Variants in MAGEB6 observed in about 807,000 individuals in gnomAD.
MAGEB6 encodes the protein melanoma-associated antigen B6.
For missense variants in MAGEB6, 327 were observed against 329.7 expected (o/e 0.99, Z 0.06); for synonymous variants, 128 against 136.2 (o/e 0.94, Z 0.42).
chrX:26,193,659 A>C (rs1929142052), intron 1 of MAGEB6, 127 bp from the exon 2 acceptor site: 1 of 381,750 alleles, frequency 2.6e-6, no homozygotes, highest in Admixed American at 4.9e-5. Flanking sequence ...ACTGACCAGG[A>C]GAAAAGGAGT....
At position 26,194,485 on chromosome X, in the gene MAGEB6, A is replaced by G. The variant is rs776089599; in HGVS notation, c.639A>G (p.Lys213=). 5.8e-6 allele frequency: 7 copies of G among 1,210,654 alleles called. No homozygotes were observed. The East Asian group carries it at 2.1e-4, about 36-fold the overall frequency. ...TCCTGCAGAAGAAGTTTGAGAAGAA[A>G]GAGTCCATTTTGAAGGCAGACATGC... ...AQFLQKKFEK[K]ESILKADMLK... Residue 213 remains lysine, a synonymous_variant, in exon 2 of 2, where the codon AAA becomes AAG. Transcript: ENST00000379034.
In MAGEB6 at chrX:26,195,369, A is replaced by C. The variant is rs1270279669; in HGVS notation, c.*299A>C. On this transcript the variant is annotated 3_prime_UTR_variant, in exon 2 of 2. Transcript: ENST00000379034. ...CAATTATCAATAACATAGCTCTCAC[A>C]TTCATGGCTGTTTAACCAATCTGAA... The C allele has an allele frequency of 2.4e-5, 6 of 251,454 alleles. No homozygotes were observed. Among genetic ancestry groups the C allele is most frequent in the Non-Finnish European group, 3.7e-5 (5 of 134,590 alleles). The allele number at this position is 251,454 out of a possible 1,213,427, so 20.7% of individuals were successfully genotyped here.
Position 26,194,025 on chromosome X carries a change from T to C in MAGEB6, c.179T>C (p.Ile60Thr). 1 of 1,211,504 alleles carries C rather than the reference T, an allele frequency of 8.3e-7. No homozygotes were observed. Among genetic ancestry groups the C allele is most frequent in the Non-Finnish European group, 1.1e-6 (1 of 895,282 alleles). Residue 60 changes from isoleucine (I) to threonine (T), a missense_variant, in exon 2 of 2, where the codon ATT becomes ACT. Ile to Thr is a moderately conservative substitution (Grantham distance 89). Coordinates refer to ENST00000379034, the MANE Select transcript of MAGEB6 (RefSeq NM_173523.2). ...TGTCGTAGGTCTTCTGATGCCTCCA[T>C]TCCTCAGGAGTCTCAGGGAGTGTCA... ...GDCRRSSDAS[I>T]PQESQGVSPT...
rs771341202 is a variant in MAGEB6 at position 26,193,968 on chromosome X, C to A, written c.122C>A (p.Ser41Tyr). The change falls in exon 2 of 2, where the codon TCC (serine) becomes TAC (tyrosine). Residue 41 changes from serine (S) to tyrosine (Y), a missense_variant. Coordinates refer to ENST00000379034, the MANE Select transcript of MAGEB6 (RefSeq NM_173523.2). Reference sequence around the variant, plus strand: ...GAGAAGCAGGAAGAGTCCCACTCTTCCTCATCCTCTTCTCGCGCTTGTCTG... The same window carrying A: ...GAGAAGCAGGAAGAGTCCCACTCTTACTCATCCTCTTCTCGCGCTTGTCTG... ...TAEKQEESHS[S>Y]SSSSRACLGD... 8.3e-7 allele frequency: 1 copy of A among 1,211,655 alleles called. No individual in the cohort carries two copies. The highest frequency in any genetic ancestry group is 1.1e-6 in the Non-Finnish European group (1 of 895,338).
chrX:26,195,165 A>G lies in MAGEB6; in HGVS notation c.*95A>G, dbSNP rs113973061. 1,964 of 1,042,262 alleles carry G rather than the reference A, an allele frequency of 1.9e-3. 27 individuals are homozygous for G. In the African/African-American group the frequency reaches 0.032, roughly 17 times the overall value. The allele number at this position is 1,042,262 out of a possible 1,213,427, so 85.9% of individuals were successfully genotyped here. ...TAGGGAGGTCTGAAGTAGAATTTTC[A>G]CTTTATGTTAGAAGAGAGTAGTGAG... On this transcript the variant is annotated 3_prime_UTR_variant, in exon 2 of 2. Transcript: ENST00000379034.
chrX:26,193,973 T>C lies in MAGEB6; in HGVS notation c.127T>C (p.Ser43Pro). Residue 43 changes from serine (S) to proline (P), a missense_variant, in exon 2 of 2, where the codon TCC (serine) becomes CCC (proline). By Grantham distance (74) the Ser-to-Pro change is moderately conservative. Transcript: ENST00000379034. The part of the protein sequence containing the change: ...EKQEESHSSS[S>P]SSRACLGDCR... ...GCAGGAAGAGTCCCACTCTTCCTCA[T>C]CCTCTTCTCGCGCTTGTCTGGGTGA... 8.3e-7 allele frequency: 1 copy of C among 1,211,662 alleles called. No homozygotes were observed. The highest frequency in any genetic ancestry group is 1.1e-6 in the Non-Finnish European group (1 of 895,386).
Position 26,194,090 on chromosome X carries a change from T to A in MAGEB6, c.244T>A (p.Ser82Thr), listed in dbSNP as rs746661233. Residue 82 changes from serine to threonine, a missense_variant, in exon 2 of 2, where the codon TCC becomes ACC. Ser to Thr is a moderately conservative substitution (Grantham distance 58, BLOSUM62 1). Transcript: ENST00000379034. ...TGATGCAGTTGTTTCATATTCAAAATCCGATGTGGCTGCCAACGGCCAAGA... is the reference window on the plus strand; with the variant it reads ...TGATGCAGTTGTTTCATATTCAAAAACCGATGTGGCTGCCAACGGCCAAGA... ...SPDAVVSYSK[S>T]DVAANGQDEK... is the part of the protein sequence containing the mutation. 8.3e-7 allele frequency: 1 copy of A among 1,209,621 alleles called. No homozygotes were observed. Among genetic ancestry groups the A allele is most frequent in the Non-Finnish European group, 1.1e-6 (1 of 895,189 alleles).
chrX:26,192,964 G>A (rs929022910), intron 1 of MAGEB6, among the ~76,000 whole-genome samples: 7 of 111,014 alleles, frequency 6.3e-5, no homozygotes, highest in African/African-American at 9.9e-5. Flanking sequence ...GTCAGTGAGG[G>A]TGATTTCCAG....
In MAGEB6 at chrX:26,195,001, T is replaced by G; in HGVS notation, c.1155T>G (p.Gly385=). ...CCGACAGCAGTAACACCAGTCCCGG[T>G]TTATACCCACATCTGTATGAAGACG... The part of the protein sequence containing the change: ...VLADSSNTSP[G]LYPHLYEDAL... The change falls in exon 2 of 2, where the codon GGT becomes GGG. Residue 385 remains glycine, a synonymous_variant. Coordinates refer to ENST00000379034, the MANE Select transcript of MAGEB6 (RefSeq NM_173523.2). The G allele has an allele frequency of 8.3e-7, 1 of 1,210,985 alleles. No homozygotes were observed. Among genetic ancestry groups the G allele is most frequent in the Non-Finnish European group, 1.1e-6 (1 of 895,333 alleles).
chrX:26,195,334 T>C lies in MAGEB6; in HGVS notation c.*264T>C, dbSNP rs1929182009. On this transcript the variant is annotated 3_prime_UTR_variant, in exon 2 of 2. Transcript: ENST00000379034. ...CTGTTAAGTGAAGGTTTATTTTGCT[T>C]CAGATTATACAATTATCAATAACAT... is the stretch of plus-strand genomic sequence containing the variant. The C allele has an allele frequency of 3.1e-6, 1 of 327,014 alleles. No homozygotes were observed. The highest frequency in any genetic ancestry group is 2.6e-5 in the African/African-American group (1 of 38,607). 26.9% of individuals were successfully genotyped at this position (327,014 alleles called of 1,213,427 possible).
rs774839904 is a variant in MAGEB6, at chrX:26,193,969, C to T, written c.123C>T (p.Ser41=). 26 of 1,209,768 alleles carry T rather than the reference C, an allele frequency of 2.1e-5. No homozygotes were observed. Among genetic ancestry groups the T allele is most frequent in the Non-Finnish European group, 2.8e-5 (25 of 895,081 alleles). Residue 41 remains serine, a synonymous_variant, in exon 2 of 2, where the codon TCC becomes TCT. Transcript: ENST00000379034. ...AGAAGCAGGAAGAGTCCCACTCTTC[C>T]TCATCCTCTTCTCGCGCTTGTCTGG... ...TAEKQEESHS[S]SSSSRACLGD... is the part of the protein sequence containing the mutation.
Position 26,195,450 on chromosome X carries a change from T to C in MAGEB6, c.*380T>C, listed in dbSNP as rs1230878104. The C allele has an allele frequency of 3.3e-5, 5 of 152,645 alleles. No homozygotes were observed. Among genetic ancestry groups the C allele is most frequent in the Non-Finnish European group, 5.6e-5 (4 of 71,959 alleles). The allele number at this position is 152,645 out of a possible 1,213,427, so 12.6% of individuals were successfully genotyped here. The stretch of plus-strand genomic sequence containing the variant: ...TCATACAACACATTTTCTTTGTAAT[T>C]GAGAACTAGATAACATGGTAACAGA... On this transcript the variant is annotated 3_prime_UTR_variant, in exon 2 of 2. Transcript: ENST00000379034.
Position 26,194,751 on chromosome X carries a change from C to T in MAGEB6, c.905C>T (p.Ala302Val). ...LVVIFMNGNC[A>V]TEEEVWEFLG... ...GTGATCTTCATGAACGGCAACTGTG[C>T]CACTGAAGAGGAGGTCTGGGAGTTC... Residue 302 changes from alanine (A) to valine (V), a missense_variant, in exon 2 of 2, where the codon GCC becomes GTC. Transcript: ENST00000379034. 1 of 1,211,607 alleles carries T rather than the reference C, an allele frequency of 8.3e-7. No individual in the cohort carries two copies. Among genetic ancestry groups the T allele is most frequent in the Non-Finnish European group, 1.1e-6 (1 of 895,497 alleles).
chrX:26,194,594 G>C lies in MAGEB6; in HGVS notation c.748G>C (p.Val250Leu). The change falls in exon 2 of 2, where the codon GTT (valine) becomes CTT (leucine). Residue 250 changes from valine (V) to leucine (L), a missense_variant. Transcript: ENST00000379034. Reference sequence around the variant, plus strand: ...CCAACATTTGGTGGTGGCCTTTGGCGTTGAATTGAAAGAAATGGATTCCAG... The same window carrying C: ...CCAACATTTGGTGGTGGCCTTTGGCCTTGAATTGAAAGAAATGGATTCCAG... ...TSQHLVVAFG[V>L]ELKEMDSSGE... is the part of the protein sequence containing the mutation. The C allele has an allele frequency of 8.3e-7, 1 of 1,211,591 alleles. No homozygotes were observed. The highest frequency in any genetic ancestry group is 2.2e-5 in the Admixed American group (1 of 46,030).
rs980191612 is a variant in MAGEB6, at chrX:26,195,382, T to C, written c.*312T>C. The C allele has an allele frequency of 8.6e-6, 2 of 231,677 alleles. No homozygotes were observed. The highest frequency in any genetic ancestry group is 5.7e-5 in the African/African-American group (2 of 35,272). The allele number at this position is 231,677 out of a possible 1,213,427, so 19.1% of individuals were successfully genotyped here. ...CATAGCTCTCACATTCATGGCTGTT[T>C]AACCAATCTGAAAGTTACGGTTTGG... On this transcript the variant is annotated 3_prime_UTR_variant, in exon 2 of 2. Coordinates refer to ENST00000379034, the MANE Select transcript of MAGEB6 (RefSeq NM_173523.2).
In MAGEB6 at chrX:26,194,324, G is replaced by A. The variant is rs1238803370; in HGVS notation, c.478G>A (p.Gly160Ser). ...GASPTGSPDAGVSGSKYDVAA... is the reference protein window; with the variant it reads ...GASPTGSPDASVSGSKYDVAA... Reference sequence around the variant, plus strand: ...TTCACCCACTGGCTCGCCTGATGCAGGTGTTTCAGGCTCAAAATATGATGT... The same window carrying A: ...TTCACCCACTGGCTCGCCTGATGCAAGTGTTTCAGGCTCAAAATATGATGT... The change falls in exon 2 of 2, where the codon GGT becomes AGT. Residue 160 changes from glycine (G) to serine (S), a missense_variant. By Grantham distance (56) the Gly-to-Ser change is moderately conservative (BLOSUM62 0). Coordinates refer to ENST00000379034, the MANE Select transcript of MAGEB6 (RefSeq NM_173523.2). 1 of 1,212,072 alleles carries A rather than the reference G, an allele frequency of 8.3e-7. No homozygotes were observed. The highest frequency in any genetic ancestry group is 2.2e-5 in the Admixed American group (1 of 46,067).
Position 26,194,636 on chromosome X carries a change from C to T in MAGEB6, c.790C>T (p.Leu264Phe), listed in dbSNP as rs1423618800. Residue 264 changes from leucine to phenylalanine, a missense_variant, in exon 2 of 2, where the codon CTT becomes TTT. By Grantham distance (22) the Leu-to-Phe change is conservative (BLOSUM62 0). Coordinates refer to ENST00000379034, the MANE Select transcript of MAGEB6 (RefSeq NM_173523.2). ...EMDSSGESYT[L>F]VSKLGLPSEG... ...GGATTCCAGCGGCGAGTCCTACACC[C>T]TTGTCAGCAAGCTAGGCCTCCCCAG... The T allele has an allele frequency of 8.3e-7, 1 of 1,209,317 alleles. No homozygotes were observed. The highest frequency in any genetic ancestry group is 1.1e-6 in the Non-Finnish European group (1 of 895,140).
At position 26,194,102 on chromosome X, in the gene MAGEB6, GCC is replaced by G; in HGVS notation, c.257_258del (p.Ala86GlufsTer5). The G allele has an allele frequency of 4.2e-6, 5 of 1,203,252 alleles. No homozygotes were observed. The highest frequency in any genetic ancestry group is 3.0e-5 in the East Asian group (1 of 33,289). On this transcript the variant is annotated frameshift_variant, in exon 2 of 2. Transcript: ENST00000379034. LOFTEE classifies it low-confidence loss of function (END_TRUNC). ...VVSYSKSDVA[A>X]NGQDEKSPST... ...TTCATATTCAAAATCCGATGTGGCT[GCC>G]AACGGCCAAGATGAGAAAAGTCCAA...
chrX:26,193,090 C>T (rs1442757140), intron 1 of MAGEB6, among the ~76,000 whole-genome samples: 4 of 111,005 alleles, frequency 3.6e-5, no homozygotes, highest in Non-Finnish European at 7.6e-5. Flanking sequence ...TGGGTGTCCC[C>T]GGAATGAAGT....
Sources: gnomAD v4.1 joint callset for allele counts (sites outside exome capture counted in the v4.1 genomes callset) on GRCh38, gnomAD v4.1.1 for gene constraint, MANE v1.5 for transcripts, NCBI Gene and HGNC (gene_info 2026-07-23, HGNC 2026-07-21) for gene names.